CDH13: variants seen among roughly 807,000 people sequenced by gnomAD.
CDH13 encodes the protein cadherin 13, also known as cadherin-13.
A neutral mutation model predicts 63.8 loss-of-function variants in CDH13; 24 were observed. The ratio of observed to expected loss-of-function variants is 0.38; its 90% confidence interval spans 0.27 to 0.53. CDH13 has a LOEUF of 0.53. Among genes scored for constraint, CDH13 ranks in the 20% least tolerant of loss-of-function variants. CDH13 has a pLI of 0.85. For synonymous variants in CDH13, 503 were observed against 355.3 expected, an observed-to-expected ratio of 1.42 and a Z score of -4.67; for missense variants, 1,049 against 903.1, an observed-to-expected ratio of 1.16 and a Z score of -2.07.
intron 5 of CDH13, among the ~76,000 whole-genome samples, chr16:83,223,495 G>C (rs1021440518): frequency 6.6e-6 from 1 of 152,214 alleles, no homozygotes; most frequent in Non-Finnish European, 1.5e-5. Context: ...TTCAACCATA[G>C]CAAAGAGTCA....
chr16:83,229,810 T>C (rs140102883), intron 5 of CDH13, among the ~76,000 whole-genome samples: 394 of 152,304 alleles, frequency 2.6e-3, no homozygotes, highest in South Asian at 5.0e-3. Flanking sequence ...TCAGGAATCC[T>C]CGTTCCTGTT....
chr16:83,466,075 C>A, intron 6 of CDH13, among the ~76,000 whole-genome samples: 3 of 152,266 alleles, frequency 2.0e-5, no homozygotes, highest in Admixed American at 2.0e-4. Flanking sequence ...GGCAGGACCA[C>A]CCCCCGCAAC....
chr16:82,813,468 G>T (rs1255431659), intron 1 of CDH13, among the ~76,000 whole-genome samples: 2 of 152,150 alleles, frequency 1.3e-5, no homozygotes, highest in African/African-American at 4.8e-5. Context: ...GCATCAAAGG[G>T]CTCAGAAGTG....
chr16:83,353,923 A>G (rs559457180), intron 6 of CDH13, among the ~76,000 whole-genome samples: 2 of 152,376 alleles, frequency 1.3e-5, no homozygotes, highest in South Asian at 4.1e-4. Flanking sequence ...TCATCCTTCC[A>G]TCACTCTATA....
chr16:82,664,719 C>G (rs980679013), intron 1 of CDH13, among the ~76,000 whole-genome samples: 5 of 152,160 alleles, frequency 3.3e-5, no homozygotes, highest in South Asian at 4.2e-4. Flanking sequence ...CTAACAATTT[C>G]ACTTTACTGG....
intron 6 of CDH13, among the ~76,000 whole-genome samples, chr16:83,435,713 C>G (rs1330617919): frequency 6.6e-6 from 1 of 152,298 alleles, no homozygotes; most frequent in East Asian, 1.9e-4. Flanking sequence ...GCTGTCTCTT[C>G]CTCTGATAAA....
At chr16:83,164,714 CTG>C (rs1353020679) in intron 4 of CDH13, among the ~76,000 whole-genome samples, 1 of 134,930 alleles carries the variant, frequency 7.4e-6, no homozygotes, top group East Asian at 2.1e-4. Context: ...GAGCGAGACT[CTG>C]TCTCAAAAAA....
chr16:82,986,659 G>GGCAA (rs1372173490), intron 2 of CDH13, among the ~76,000 whole-genome samples: 1 of 152,124 alleles, frequency 6.6e-6, no homozygotes, highest in Non-Finnish European at 1.5e-5. Context: ...AAATGAAAGA[G>GGCAA]GCAAGTCCAA....
Position 83,770,572 on chromosome 16 carries a change from C to T in CDH13, c.1682-9396C>T, listed in dbSNP as rs188668142. ...GTAAAGGAATAAAAGAATGGCTACTCCCCGTAGACAGAGCAGCCCCAAAGG... is the reference window on the plus strand; with the variant it reads ...GTAAAGGAATAAAAGAATGGCTACTTCCCGTAGACAGAGCAGCCCCAAAGG... On this transcript the variant is annotated intron_variant, in intron 11 of 13. Transcript: ENST00000567109. 1.5e-3 allele frequency among the ~76,000 whole-genome samples: 228 copies of T among 152,314 alleles called. 1 individual carries two copies. Among genetic ancestry groups the T allele is most frequent in the African/African-American group, 5.2e-3 (218 of 41,568 alleles).
intron 8 of CDH13, among the ~76,000 whole-genome samples, chr16:83,607,686 T>C (rs1010138047): frequency 6.6e-6 from 1 of 152,226 alleles, no homozygotes; most frequent in Non-Finnish European, 1.5e-5. Context: ...TTCATGCAAA[T>C]TTAGGTTGGA....
intron 2 of CDH13, among the ~76,000 whole-genome samples, chr16:83,011,672 G>GT (rs1914170995): frequency 6.6e-6 from 1 of 152,200 alleles, no homozygotes; most frequent in Non-Finnish European, 1.5e-5. Context: ...GGGGACACCT[G>GT]TGTGATCTTC....
chr16:83,458,758 T>C (rs972687338), intron 6 of CDH13, among the ~76,000 whole-genome samples: 10 of 152,334 alleles, frequency 6.6e-5, no homozygotes, highest in Admixed American at 6.5e-4. Context: ...GAATTCCCAA[T>C]GGTGCGATTG....
intron 1 of CDH13, among the ~76,000 whole-genome samples, chr16:82,717,763 A>G (rs919004432): frequency 2.6e-5 from 4 of 152,174 alleles, no homozygotes; most frequent in African/African-American, 9.7e-5. Flanking sequence ...CACATCTGCA[A>G]TGTCTTTACC....
chr16:83,587,996 G>A (rs926888984), intron 7 of CDH13, among the ~76,000 whole-genome samples: 4 of 151,486 alleles, frequency 2.6e-5, no homozygotes, highest in African/African-American at 9.7e-5. Flanking sequence ...ACCACATGAG[G>A]ACCCAGTTGT....
chr16:82,722,258 C>G (rs538067196), intron 1 of CDH13, among the ~76,000 whole-genome samples: 149 of 152,268 alleles, frequency 9.8e-4, no homozygotes, highest in Non-Finnish European at 1.9e-3. Flanking sequence ...TTAGGCAAAA[C>G]TGAATACAGG....
chr16:83,620,101 TA>T (rs564392912), intron 8 of CDH13, among the ~76,000 whole-genome samples: 136 of 148,046 alleles, frequency 9.2e-4, no homozygotes, highest in Admixed American at 4.3e-3. Context: ...TTAAAAGAGA[TA>T]GGGAGGGGGG....
chr16:82,669,508 G>A (rs1912988394), intron 1 of CDH13, among the ~76,000 whole-genome samples: 1 of 152,152 alleles, frequency 6.6e-6, no homozygotes, highest in Non-Finnish European at 1.5e-5. Flanking sequence ...AACATTACTT[G>A]TAATACTGTC....
At chr16:83,176,702 G>C (rs1407728840) in intron 4 of CDH13, among the ~76,000 whole-genome samples, 1 of 152,032 alleles carries the variant, frequency 6.6e-6, no homozygotes, top group African/African-American at 2.4e-5. Flanking sequence ...TGTCTTAAAA[G>C]GGGGTTGGGG....
At chr16:82,870,842 A>G (rs906732431) in intron 2 of CDH13, among the ~76,000 whole-genome samples, 4 of 152,246 alleles carry the variant, frequency 2.6e-5, no homozygotes, top group Admixed American at 1.3e-4. Flanking sequence ...TAGCTGACCT[A>G]TAATGGTCCC....
Sources: gnomAD v4.1 joint callset for allele counts (sites outside exome capture counted in the v4.1 genomes callset) on GRCh38, gnomAD v4.1.1 for gene constraint, MANE v1.5 for transcripts, NCBI Gene and HGNC (gene_info 2026-07-23, HGNC 2026-07-21) for gene names.